Variants in DIP2B observed in about 807,000 individuals in gnomAD.
DIP2B encodes DIP2 acetate--CoA ligase B (putative).
A neutral mutation model predicts 198.0 loss-of-function variants in DIP2B; 76 were observed. The observed-to-expected ratio is 0.38, with a 90% confidence interval of 0.32 to 0.46. The LOEUF (loss-of-function observed/expected upper bound fraction) is 0.46. Among genes scored for constraint, DIP2B ranks in the 20% least tolerant of loss-of-function variants. The probability of loss-of-function intolerance (pLI) is 0.99; values close to 1 mark genes in which losing one functional copy is unlikely to be tolerated. For missense variants in DIP2B, 1,559 were observed against 1,978.4 expected (o/e 0.79, Z 4.02); for synonymous variants, 701 against 739.1 (o/e 0.95, Z 0.84).
At chr12:50,608,896 C>T (rs1959007497) in intron 1 of DIP2B, among the ~76,000 whole-genome samples, 1 of 152,012 alleles carries the variant, frequency 6.6e-6, no homozygotes, top group Non-Finnish European at 1.5e-5. Context: ...AATCCCAGCA[C>T]TTTGGGAGGC....
At chr12:50,580,120 G>A (rs1593626708) in intron 1 of DIP2B, among the ~76,000 whole-genome samples, 1 of 148,892 alleles carries the variant, frequency 6.7e-6, no homozygotes, top group Non-Finnish European at 1.5e-5. Context: ...ACGTGGACTT[G>A]AATCCACAGT....
In DIP2B at chr12:50,672,991, A is replaced by G. The variant is rs1938880851; in HGVS notation, c.641-1483A>G. 2.0e-5 allele frequency among the ~76,000 whole-genome samples: 3 copies of G among 152,212 alleles called. No individual in the cohort carries two copies. The South Asian group carries it at 6.2e-4, about 32-fold the overall frequency. On this transcript the variant is annotated intron_variant, in intron 5 of 37. Transcript: ENST00000301180. ...TTATTTGGCCATTCCCCTATTAAAT[A>G]GTGTCCAATTTTTTGCTATTATAAA... is the stretch of plus-strand genomic sequence containing the variant.
intron 27 of DIP2B, among the ~76,000 whole-genome samples, chr12:50,723,914 G>A (rs1939885377): frequency 6.6e-6 from 1 of 152,142 alleles, no homozygotes; most frequent in African/African-American, 2.4e-5. Context: ...GCATTAAAAG[G>A]TGTCCAGAAC....
intron 4 of DIP2B, among the ~76,000 whole-genome samples, chr12:50,663,420 G>A (rs1938688903): frequency 6.6e-6 from 1 of 152,020 alleles, no homozygotes; most frequent in Non-Finnish European, 1.5e-5. Context: ...AGCCGGGCGT[G>A]GTGGCAGCGC....
chr12:50,681,493 T>G (rs949884825), intron 9 of DIP2B, among the ~76,000 whole-genome samples: 5 of 152,166 alleles, frequency 3.3e-5, no homozygotes, highest in African/African-American at 9.7e-5. Flanking sequence ...TGGTCTTATG[T>G]AAAAAGAGAG....
intron 35 of DIP2B, 152 bp downstream of exon 35, chr12:50,737,262 G>T (rs1940154378): frequency 1.4e-6 from 1 of 702,300 alleles, no homozygotes; most frequent in Non-Finnish European, 2.3e-6. Context: ...GAAATTGACA[G>T]AAGAGGGAGA....
chr12:50,741,620 A>T (rs1270561720), intron 37 of DIP2B, 81 bp downstream of exon 37: 1 of 1,506,600 alleles, frequency 6.6e-7, no homozygotes, highest in East Asian at 2.3e-5. Flanking sequence ...GGTCATTGGG[A>T]CCACATACCT....
Position 50,747,227 on chromosome 12 carries a change from A to G in DIP2B, c.*2388A>G, listed in dbSNP as rs1183604646. 2.6e-5 allele frequency: 4 copies of G among 152,254 alleles called. No homozygotes were observed. The highest frequency in any genetic ancestry group is 9.6e-5 in the African/African-American group (4 of 41,464). The allele number at this position is 152,254 out of a possible 1,614,324, so 9.4% of individuals were successfully genotyped here. On this transcript the variant is annotated 3_prime_UTR_variant, in exon 38 of 38. Transcript: ENST00000301180. The stretch of plus-strand genomic sequence containing the variant: ...TAGCCAAATGTGACTAGTGGCTACC[A>G]TATTAGACAGTGCAGATCTATACTC...
chr12:50,661,336 G>A (rs1938643175), intron 4 of DIP2B, among the ~76,000 whole-genome samples: 1 of 152,032 alleles, frequency 6.6e-6, no homozygotes. Flanking sequence ...TTGCCTTATG[G>A]TTGACTTTGA....
At position 50,739,398 on chromosome 12, in the gene DIP2B, T is replaced by A; in HGVS notation, c.4177-11T>A. The A allele has an allele frequency of 1.3e-6, 2 of 1,599,916 alleles. No homozygotes were observed. Among genetic ancestry groups the A allele is most frequent in the Non-Finnish European group, 1.7e-6 (2 of 1,167,878 alleles). ...CCCCAGTGAGTTGTGATCAAAGCAC[T>A]TTTCTTGTAGATTTGGGTGAACAGT... On this transcript the variant is annotated splice_polypyrimidine_tract_variant and intron_variant, in intron 35 of 37. Transcript: ENST00000301180.
At chr12:50,542,706 C>T (rs911847103) in intron 1 of DIP2B, among the ~76,000 whole-genome samples, 1 of 152,182 alleles carries the variant, frequency 6.6e-6, no homozygotes, top group Non-Finnish European at 1.5e-5. Flanking sequence ...CAAAATTGAA[C>T]AGGTGCTGGA....
At chr12:50,638,107 A>G (rs1938191486) in intron 2 of DIP2B, among the ~76,000 whole-genome samples, 1 of 152,238 alleles carries the variant, frequency 6.6e-6, no homozygotes, top group African/African-American at 2.4e-5. Flanking sequence ...ACAGACTGAA[A>G]GATCAGAAAC....
At chr12:50,622,810 C>T (rs1469533753) in intron 1 of DIP2B, among the ~76,000 whole-genome samples, 1 of 152,150 alleles carries the variant, frequency 6.6e-6, no homozygotes, top group Non-Finnish European at 1.5e-5. Context: ...CAGGGTTTCA[C>T]CATGCTGGCC....
rs182341916 is a variant in DIP2B at position 50,702,494 on chromosome 12, G to A, written c.2326-1646G>A. 2.3e-3 allele frequency among the ~76,000 whole-genome samples: 356 copies of A among 152,030 alleles called. 2 individuals carry two copies. The highest frequency in any genetic ancestry group is 7.8e-3 in the African/African-American group (323 of 41,446). ...GGAGAATCTCTGGAACCCGGGAGGC[G>A]GAGGTTGCAGTGAGTCGAGATTGTG... On this transcript the variant is annotated intron_variant, in intron 19 of 37. Transcript: ENST00000301180.
At chr12:50,583,175 A>G (rs900826853) in intron 1 of DIP2B, among the ~76,000 whole-genome samples, 7 of 152,164 alleles carry the variant, frequency 4.6e-5, no homozygotes, top group Admixed American at 2.0e-4. Flanking sequence ...ACTATTACAT[A>G]TCTTTTCCTC....
chr12:50,735,003 C>A, intron 33 of DIP2B, 70 bp from the exon 34 acceptor site: 1 of 1,581,050 alleles, frequency 6.3e-7, no homozygotes, highest in Non-Finnish European at 8.7e-7. Flanking sequence ...GAAGGCAGCA[C>A]CGAGCTGCAG....
rs150927719 is a variant in DIP2B at position 50,509,380 on chromosome 12, A to G, written c.100+4140A>G. 4.7e-3 allele frequency among the ~76,000 whole-genome samples: 719 copies of G among 152,344 alleles called. 8 individuals are homozygous for G. The highest frequency in any genetic ancestry group is 0.016 in the African/African-American group (680 of 41,584). ...AAGAATGTTCCTATACTTCTGTGGCATGCAGGAAGGAGCTCAAGTCTTTCA... is the reference window on the plus strand; with the variant it reads ...AAGAATGTTCCTATACTTCTGTGGCGTGCAGGAAGGAGCTCAAGTCTTTCA... On this transcript the variant is annotated intron_variant, in intron 1 of 37. Coordinates refer to ENST00000301180, the MANE Select transcript of DIP2B (RefSeq NM_173602.3).
At chr12:50,526,878 C>T (rs1958170973) in intron 1 of DIP2B, among the ~76,000 whole-genome samples, 1 of 152,148 alleles carries the variant, frequency 6.6e-6, no homozygotes, top group South Asian at 2.1e-4. Flanking sequence ...TCAGGTAATA[C>T]GACTACCCCG....
chr12:50,616,773 A>G (rs901137444), intron 1 of DIP2B, among the ~76,000 whole-genome samples: 1 of 152,220 alleles, frequency 6.6e-6, no homozygotes, highest in Non-Finnish European at 1.5e-5. Flanking sequence ...CAGCTGCTAT[A>G]TATATTGCAT....
Sources: allele counts gnomAD v4.1 joint callset (sites outside exome capture counted in the v4.1 genomes callset), GRCh38; gene constraint gnomAD v4.1.1; transcripts MANE v1.5; gene names NCBI Gene and HGNC (gene_info 2026-07-23, HGNC 2026-07-21).